Variants in SCML4 observed in about 807,000 individuals in gnomAD.
SCML4 encodes the protein sex comb on midleg-like protein 4.
Under a neutral mutation model 41.1 loss-of-function variants are expected in SCML4, and 34 were observed. That is an observed-to-expected ratio of 0.83 (90% confidence interval 0.63 to 1.10). The LOEUF (loss-of-function observed/expected upper bound fraction) is 1.10, where lower values mean the gene tolerates loss of function less well. Ranked by LOEUF, SCML4 falls within the 50% of genes least tolerant of loss-of-function variation. The pLI, the probability that SCML4 is intolerant of heterozygous loss-of-function variation, is 0.00. For missense variants in SCML4, 522 were observed against 534.1 expected, an observed-to-expected ratio of 0.98 and a Z score of 0.22; for synonymous variants, 214 against 220.9, an observed-to-expected ratio of 0.97 and a Z score of 0.28.
At chr6:107,769,025 T>C (rs1780298031) in intron 2 of SCML4, among the ~76,000 whole-genome samples, 1 of 152,000 alleles carries the variant, frequency 6.6e-6, no homozygotes, top group Non-Finnish European at 1.5e-5. Flanking sequence ...TCTTGGGGAG[T>C]CTCTGAACTA....
At chr6:107,716,849 C>A (rs1774855791) in intron 6 of SCML4, among the ~76,000 whole-genome samples, 1 of 152,120 alleles carries the variant, frequency 6.6e-6, no homozygotes, top group Non-Finnish European at 1.5e-5. Context: ...GAAATGTAAG[C>A]AGAAACGGAA....
At chr6:107,776,292 C>A (rs1780940991) in intron 1 of SCML4, among the ~76,000 whole-genome samples, 1 of 152,152 alleles carries the variant, frequency 6.6e-6, no homozygotes, top group African/African-American at 2.4e-5. Context: ...TATAAAAATA[C>A]TAGGTTGGTG....
intron 6 of SCML4, among the ~76,000 whole-genome samples, chr6:107,715,217 C>T (rs955251268): frequency 9.0e-5 from 12 of 133,456 alleles, no homozygotes; most frequent in Admixed American, 2.4e-4. Flanking sequence ...TCAGATGATC[C>T]GCCCACCTCT....
chr6:107,833,729 T>C, the SCML4 span, among the ~76,000 whole-genome samples: 1 of 152,276 alleles, frequency 6.6e-6, no homozygotes, highest in Non-Finnish European at 1.5e-5. Flanking sequence ...AAAAGGAATG[T>C]GAATAGCAAA....
At chr6:107,705,426 T>G (rs1773512844) in intron 7 of SCML4, 101 bp from the exon 8 acceptor site, 8 of 1,085,782 alleles carry the variant, frequency 7.4e-6, no homozygotes, top group African/African-American at 1.6e-5. Context: ...GCTCAGGGCA[T>G]ATGGATTGAT....
At chr6:107,725,373 T>C (rs949802100) in intron 5 of SCML4, among the ~76,000 whole-genome samples, 4 of 152,146 alleles carry the variant, frequency 2.6e-5, no homozygotes, top group Non-Finnish European at 4.4e-5. Context: ...GCCAATGTCA[T>C]TGGAGAGGGA....
chr6:107,755,621 C>T, intron 2 of SCML4: 1 of 1,343,948 alleles, frequency 7.4e-7, no homozygotes, highest in Non-Finnish European at 9.9e-7. Flanking sequence ...CCTATCCAAG[C>T]TGTTCTCTGG....
chr6:107,827,612 T>TAG (rs1785300902), upstream of SCML4, among the ~76,000 whole-genome samples: 1 of 152,192 alleles, frequency 6.6e-6, no homozygotes, highest in African/African-American at 2.4e-5. Flanking sequence ...CTAGCATCTC[T>TAG]CTAAGTCTTG....
At chr6:107,722,181 T>C (rs12199576) in intron 5 of SCML4, among the ~76,000 whole-genome samples, 9,903 of 152,024 alleles carry the variant, frequency 0.065, 452 homozygotes, top group Admixed American at 0.15. Context: ...TTCACCATGT[T>C]GGCCAGGCTG....
chr6:107,757,529 A>C (rs1779214720), intron 2 of SCML4, among the ~76,000 whole-genome samples: 1 of 152,180 alleles, frequency 6.6e-6, no homozygotes, highest in African/African-American at 2.4e-5. Flanking sequence ...TGTTTAGGGC[A>C]GCAGTGGGCA....
At chr6:107,827,003 C>T (rs1376662550), upstream of SCML4, among the ~76,000 whole-genome samples, 1 of 151,842 alleles carries the variant, frequency 6.6e-6, no homozygotes, top group East Asian at 1.9e-4. Context: ...GCGGAGCTTG[C>T]AGTGAGCCGA....
At chr6:107,741,577 A>T (rs1472823581) in intron 5 of SCML4, among the ~76,000 whole-genome samples, 2 of 152,246 alleles carry the variant, frequency 1.3e-5, no homozygotes, top group African/African-American at 4.8e-5. Context: ...ATTTCAAATC[A>T]GTGTGGCTGT....
chr6:107,830,506 C>T, the SCML4 span, among the ~76,000 whole-genome samples: 2 of 152,198 alleles, frequency 1.3e-5, no homozygotes, highest in Non-Finnish European at 2.9e-5. Flanking sequence ...TTTCTTTGGT[C>T]ACTAGGCTGT....
chr6:107,786,213 T>A (rs895448202), intron 1 of SCML4, among the ~76,000 whole-genome samples: 1 of 152,206 alleles, frequency 6.6e-6, no homozygotes, highest in Non-Finnish European at 1.5e-5. Flanking sequence ...AAGCTTCTAA[T>A]CTGGGGCCCC....
chr6:107,845,469 C>T, the SCML4 span, among the ~76,000 whole-genome samples: 2 of 152,180 alleles, frequency 1.3e-5, no homozygotes, highest in African/African-American at 4.8e-5. Flanking sequence ...GGAAAGGTGA[C>T]GGTTCTCCGG....
At position 107,744,963 on chromosome 6, in the gene SCML4, C is replaced by T; in HGVS notation, c.668G>A (p.Gly223Glu). Residue 223 changes from glycine to glutamate, a missense_variant, in exon 5 of 8, where the codon GGG becomes GAG. Transcript: ENST00000369020. ...ACAAGGCCTACCTGATTCCATCCTC[C>T]CTTCCTCTTTCTCCTGGACTTTCTC... ...ASEKVQEKEE[G>E]RMESVKTVTT... 1.2e-6 allele frequency: 2 copies of T among 1,610,908 alleles called. No individual in the cohort carries two copies. The highest frequency in any genetic ancestry group is 1.7e-6 in the Non-Finnish European group (2 of 1,178,512).
chr6:107,734,783 T>C (rs1776895129), intron 5 of SCML4, among the ~76,000 whole-genome samples: 1 of 152,220 alleles, frequency 6.6e-6, no homozygotes, highest in African/African-American at 2.4e-5. Flanking sequence ...TAGCTTGGCC[T>C]CTATGGCCCT....
At chr6:107,797,619 A>G (rs1181983294) in intron 1 of SCML4, among the ~76,000 whole-genome samples, 1 of 151,972 alleles carries the variant, frequency 6.6e-6, no homozygotes, top group Non-Finnish European at 1.5e-5. Context: ...TTAATTTTTT[A>G]AATTTCTTTT....
the SCML4 span, among the ~76,000 whole-genome samples, chr6:107,841,373 T>C: frequency 6.6e-6 from 1 of 152,320 alleles, no homozygotes; most frequent in African/African-American, 2.4e-5. Flanking sequence ...TCTAAAGTGG[T>C]TTCAAGTTGT....
Sources: gnomAD v4.1 joint callset for allele counts (sites outside exome capture counted in the v4.1 genomes callset) on GRCh38, gnomAD v4.1.1 for gene constraint, MANE v1.5 for transcripts, NCBI Gene and HGNC (gene_info 2026-07-23, HGNC 2026-07-21) for gene names.